Variants in TBC1D19 observed in about 807,000 individuals in gnomAD.
TBC1D19 encodes TBC1 domain family, member 19.
In TBC1D19, 60 loss-of-function variants were observed where a neutral mutation model predicts 89.0. That is an observed-to-expected ratio of 0.67 (90% CI 0.55 to 0.84). The LOEUF (loss-of-function observed/expected upper bound fraction) is 0.84. TBC1D19 is among the 40% of genes least tolerant of loss of function. The pLI is 0.00. For synonymous variants in TBC1D19, 189 were observed against 199.7 expected, an observed-to-expected ratio of 0.95 and a Z score of 0.45; for missense variants, 500 against 610.8, an observed-to-expected ratio of 0.82 and a Z score of 1.91.
At chr4:26,757,648 C>T (rs1407638924), downstream of TBC1D19, among the ~76,000 whole-genome samples, 1 of 152,194 alleles carries the variant, frequency 6.6e-6, no homozygotes, top group Non-Finnish European at 1.5e-5. Flanking sequence ...CTTAACTTCA[C>T]AACACCCCAT....
intron 4 of TBC1D19, among the ~76,000 whole-genome samples, chr4:26,625,728 T>C (rs566496764): frequency 2.9e-4 from 44 of 152,292 alleles, no homozygotes; most frequent in Non-Finnish European, 5.0e-4. Context: ...ATCCCTCTCT[T>C]GGAATTTATC....
the TBC1D19 span, among the ~76,000 whole-genome samples, chr4:26,813,348 A>G: frequency 6.6e-6 from 1 of 152,222 alleles, no homozygotes; most frequent in Non-Finnish European, 1.5e-5. Flanking sequence ...CTCCTTCACA[A>G]TTCCAAAATC....
At chr4:26,698,465 C>T (rs1288413155) in intron 13 of TBC1D19, among the ~76,000 whole-genome samples, 1 of 152,076 alleles carries the variant, frequency 6.6e-6, no homozygotes, top group Admixed American at 6.5e-5. Context: ...TCAGTGCCAC[C>T]CCCATCAAGC....
rs576008463 is a variant in TBC1D19, at chr4:26,627,356, G to A, written c.294+6668G>A. 2.6e-3 allele frequency among the ~76,000 whole-genome samples: 399 copies of A among 152,306 alleles called. 4 individuals carry two copies. Among genetic ancestry groups the A allele is most frequent in the African/African-American group, 8.7e-3 (360 of 41,556 alleles). On this transcript the variant is annotated intron_variant, in intron 4 of 20. Transcript: ENST00000264866. ...ATAGTGGCGCAATAAACATATGTGT[G>A]CATGTGTCTTTATAGCAGCATGATT...
In TBC1D19 at chr4:26,720,092, C is replaced by T. The variant is rs35621944; in HGVS notation, c.1051C>T (p.Leu351=). The part of the protein sequence containing the change: ...PKSYIRGKLG[L]EEYAVFYPPN... ...GTTTTCTCTTATAGGAAAACTAGGA[C>T]TGGAAGAATATGCTGTCTTTTACCC... The change falls in exon 15 of 21, where the codon CTG becomes TTG. Residue 351 remains leucine (L), a synonymous_variant. Coordinates refer to ENST00000264866, the MANE Select transcript of TBC1D19 (RefSeq NM_018317.4). The T allele has an allele frequency of 7.4e-3, 11,894 of 1,602,770 alleles. 64 individuals carry two copies. The highest frequency in any genetic ancestry group is 9.3e-3 in the Non-Finnish European group (10,889 of 1,173,896).
the TBC1D19 span, among the ~76,000 whole-genome samples, chr4:26,777,023 A>T: frequency 6.6e-6 from 1 of 152,136 alleles, no homozygotes; most frequent in Non-Finnish European, 1.5e-5. Context: ...AGCTTGTAGA[A>T]CTATAGTTGC....
intron 13 of TBC1D19, among the ~76,000 whole-genome samples, chr4:26,697,264 G>T (rs557578549): frequency 6.6e-6 from 1 of 152,246 alleles, no homozygotes; most frequent in East Asian, 1.9e-4. Context: ...TAGAAGAAAT[G>T]GATAAATTCC....
chr4:26,797,835 T>C, the TBC1D19 span, among the ~76,000 whole-genome samples: 1 of 152,094 alleles, frequency 6.6e-6, no homozygotes, highest in African/African-American at 2.4e-5. Context: ...GAAAACTAGC[T>C]CGACATATGC....
the TBC1D19 span, among the ~76,000 whole-genome samples, chr4:26,838,945 A>G: frequency 6.6e-6 from 1 of 152,238 alleles, no homozygotes; most frequent in Non-Finnish European, 1.5e-5. Context: ...TACATTCTAT[A>G]TGAACAAACA....
the TBC1D19 span, among the ~76,000 whole-genome samples, chr4:26,850,540 C>CAAAAAAAAAAAAAAAAAA: frequency 1.3e-3 from 119 of 90,410 alleles, 12 homozygotes; most frequent in African/African-American, 6.2e-3. Flanking sequence ...GACCCTGTCT[C>CAAAAAAAAAAAAAAAAAA]AAAAAAAAAA....
intron 13 of TBC1D19, among the ~76,000 whole-genome samples, chr4:26,699,538 A>C (rs1314259952): frequency 1.3e-5 from 2 of 152,226 alleles, no homozygotes; most frequent in Non-Finnish European, 2.9e-5. Flanking sequence ...ATTATAAATC[A>C]TGCTACTATA....
chr4:26,835,201 G>A, the TBC1D19 span, among the ~76,000 whole-genome samples: 4 of 152,202 alleles, frequency 2.6e-5, no homozygotes, highest in African/African-American at 9.7e-5. Context: ...CAGAATCATA[G>A]AGAGAGTTTA....
chr4:26,724,774 C>G (rs1717202540), intron 15 of TBC1D19, among the ~76,000 whole-genome samples: 1 of 152,120 alleles, frequency 6.6e-6, no homozygotes, highest in Admixed American at 6.5e-5. Context: ...AGCCTAAGGT[C>G]TTCTTGGGTA....
At chr4:26,845,407 A>T in the TBC1D19 span, among the ~76,000 whole-genome samples, 3 of 151,314 alleles carry the variant, frequency 2.0e-5, no homozygotes, top group African/African-American at 4.9e-5. Flanking sequence ...GACAATTTAA[A>T]CTATTTTTAA....
At chr4:26,584,357 C>T in intron 1 of TBC1D19, 65 bp downstream of exon 1, 3 of 1,471,308 alleles carry the variant, frequency 2.0e-6, no homozygotes, top group South Asian at 1.2e-5. Flanking sequence ...CTTCTTCACC[C>T]TCCTCACCCA....
At chr4:26,641,357 A>G (rs1019248425) in intron 7 of TBC1D19, among the ~76,000 whole-genome samples, 1 of 152,336 alleles carries the variant, frequency 6.6e-6, no homozygotes, top group Admixed American at 6.5e-5. Context: ...AGGAAAACTA[A>G]CAAACAGAAA....
intron 11 of TBC1D19, among the ~76,000 whole-genome samples, chr4:26,680,153 T>G (rs1473141510): frequency 3.3e-5 from 5 of 152,170 alleles, no homozygotes; most frequent in Non-Finnish European, 1.5e-5. Context: ...TTCTGAGGCT[T>G]CCACGGCCAT....
intron 13 of TBC1D19, among the ~76,000 whole-genome samples, chr4:26,715,661 C>CT (rs199578966): frequency 0.014 from 2,149 of 152,120 alleles, 25 homozygotes; most frequent in Non-Finnish European, 0.021. Flanking sequence ...CATTTCAGAC[C>CT]TTTTTCCCTT....
chr4:26,654,162 G>T (rs260939), intron 7 of TBC1D19, among the ~76,000 whole-genome samples: 1 of 151,918 alleles, frequency 6.6e-6, no homozygotes, highest in Non-Finnish European at 1.5e-5. Flanking sequence ...TGAAATTCTG[G>T]GTTGAAAATT....
Sources: gnomAD v4.1 joint callset for allele counts (sites outside exome capture counted in the v4.1 genomes callset) on GRCh38, gnomAD v4.1.1 for gene constraint, MANE v1.5 for transcripts, NCBI Gene and HGNC (gene_info 2026-07-23, HGNC 2026-07-21) for gene names.